The following PUDP variants were observed in gnomAD, a reference collection of about 807,000 sequenced individuals.
PUDP encodes the protein pseudouridine-5'-phosphatase.
PUDP carries 8 observed loss-of-function variants against 9.4 expected under a neutral mutation model. The ratio of observed to expected loss-of-function variants is 0.85; its 90% CI spans 0.50 to 1.53. PUDP has a LOEUF of 1.53. Among genes scored for constraint, PUDP ranks in the 40% most tolerant of loss-of-function variants. The pLI, the probability that PUDP is intolerant of heterozygous loss-of-function variation, is 0.00. For missense variants in PUDP, 188 were observed against 189.7 expected, an observed-to-expected ratio of 0.99 and a Z score of 0.05; for synonymous variants, 99 against 80.7, an observed-to-expected ratio of 1.23 and a Z score of -1.22.
intron 3 of PUDP, among the ~76,000 whole-genome samples, chrX:6,881,639 C>T (rs1602657708): frequency 8.9e-6 from 1 of 111,884 alleles, no homozygotes; most frequent in Admixed American, 9.6e-5. Flanking sequence ...TTTTTATTTT[C>T]AGCAGATTGC....
chrX:7,066,919 T>A (rs573424720), intron 3 of PUDP, among the ~76,000 whole-genome samples: 1 of 111,440 alleles, frequency 9.0e-6, no homozygotes, highest in African/African-American at 3.3e-5. Flanking sequence ...ACACACACAG[T>A]GCTGATTAAA....
At chrX:7,080,915 T>A (rs1444197561) in intron 2 of PUDP, among the ~76,000 whole-genome samples, 19 of 94,008 alleles carry the variant, frequency 2.0e-4, no homozygotes, top group Non-Finnish European at 2.1e-5. Flanking sequence ...CCAGACTCCA[T>A]CTCAAAAAAA....
At position 6,890,080 on chromosome X, in the gene PUDP, CAA is replaced by C. The variant is rs1927490072; in HGVS notation, c.*247+87051_*247+87052del. Reference sequence around the variant, plus strand: ...TAATCAGTGCTGGAAACCAGGAAGACAAGAGAAAATATGGCATGCATGTCAGA... The same window carrying C: ...TAATCAGTGCTGGAAACCAGGAAGACGAGAAAATATGGCATGCATGTCAGA... On this transcript the variant is annotated intron_variant and NMD_transcript_variant, in intron 3 of 3. Coordinates refer to the PUDP transcript ENST00000655425. Among the ~76,000 whole-genome samples the C allele has an allele frequency of 2.7e-5, 3 of 111,587 alleles. No homozygotes were observed. The Admixed American group carries it at 2.9e-4, about 11-fold the overall frequency.
intron 1 of PUDP, among the ~76,000 whole-genome samples, chrX:7,144,042 A>G (rs759411027): frequency 8.9e-6 from 1 of 112,294 alleles, no homozygotes; most frequent in East Asian, 2.8e-4. Flanking sequence ...TGATGGAAGG[A>G]GGGGAGATTG....
intron 3 of PUDP, among the ~76,000 whole-genome samples, chrX:7,069,259 G>A (rs1930658655): frequency 9.0e-6 from 1 of 111,389 alleles, no homozygotes; most frequent in Non-Finnish European, 1.9e-5. Flanking sequence ...TGCCCCCCGA[G>A]GCGAGGTGAG....
intron 3 of PUDP, among the ~76,000 whole-genome samples, chrX:6,808,903 G>A (rs1435505591): frequency 8.9e-6 from 1 of 112,222 alleles, no homozygotes; most frequent in Non-Finnish European, 1.9e-5. Flanking sequence ...GCCTTGCAGG[G>A]ATATACCTGG....
chrX:6,872,880 G>A (rs181407938), intron 3 of PUDP, among the ~76,000 whole-genome samples: 1 of 110,385 alleles, frequency 9.1e-6, no homozygotes, highest in Admixed American at 9.7e-5. Flanking sequence ...AAGATCTAGC[G>A]ATACGAGGTA....
At chrX:7,050,620 G>A in intron 3 of PUDP, 148 bp from the exon 4 acceptor site, 1 of 546,633 alleles carries the variant, frequency 1.8e-6, no homozygotes, top group Non-Finnish European at 2.9e-6. Flanking sequence ...AGATTGTGGT[G>A]AGGACAGCAT....
intron 3 of PUDP, among the ~76,000 whole-genome samples, chrX:6,832,987 T>TACACACACACACACACACACACAC (rs200319848): frequency 0.057 from 6,046 of 106,034 alleles, 207 homozygotes; most frequent in Middle Eastern, 0.081. Context: ...CTCTCTGACA[T>TACACACACACACACACACACACAC]ACACACACAC....
intron 3 of PUDP, among the ~76,000 whole-genome samples, chrX:6,755,886 A>T (rs1000538860): frequency 1.8e-4 from 20 of 111,260 alleles, no homozygotes; most frequent in African/African-American, 5.9e-4. Context: ...CAAAAAAAAA[A>T]ATAATGAGTT....
At chrX:6,858,161 G>A (rs1186717876) in intron 3 of PUDP, among the ~76,000 whole-genome samples, 1 of 110,800 alleles carries the variant, frequency 9.0e-6, no homozygotes, top group Non-Finnish European at 1.9e-5. Context: ...ACATGGATAA[G>A]AACTCTGGAC....
At chrX:7,069,805 C>T (rs113891060) in intron 3 of PUDP, among the ~76,000 whole-genome samples, 9 of 111,581 alleles carry the variant, frequency 8.1e-5, no homozygotes, top group African/African-American at 2.9e-4. Context: ...GCACCTGTCA[C>T]ACCTAGATGA....
In PUDP at chrX:6,714,714, TGATA is replaced by T. The variant is rs780996554; in HGVS notation, n.128+6699_128+6702del. Among the ~76,000 whole-genome samples, 9 of 111,359 alleles carry T rather than the reference TGATA, an allele frequency of 8.1e-5. No individual in the cohort carries two copies. The East Asian group carries it at 1.4e-3, about 17-fold the overall frequency. On this transcript the variant is annotated intron_variant and non_coding_transcript_variant, in intron 1 of 2. Coordinates refer to the PUDP transcript ENST00000438499. ...ATAAATGGAGATGATAGATGATTGA[TGATA>T]GATAGATAGATATAGGTAGAGATAT...
intron 1 of PUDP, among the ~76,000 whole-genome samples, chrX:7,135,188 G>A (rs28642751): frequency 0.012 from 1,381 of 111,790 alleles, 22 homozygotes; most frequent in African/African-American, 0.042. Context: ...GTAGGCAGAA[G>A]TCAGCTGAGA....
chrX:6,804,219 C>T (rs1342318672), intron 3 of PUDP, among the ~76,000 whole-genome samples: 1 of 111,096 alleles, frequency 9.0e-6, no homozygotes, highest in Admixed American at 9.6e-5. Flanking sequence ...ACTGAAAAAT[C>T]CTGGTCATCC....
rs145398123 is a variant in PUDP, at chrX:7,081,084, GC to G, written c.281-3636del. Among the ~76,000 whole-genome samples the G allele has an allele frequency of 6.6e-3, 734 of 111,888 alleles. 3 individuals carry two copies. The highest frequency in any genetic ancestry group is 0.011 in the Non-Finnish European group (561 of 53,171). ...AAAATGGAGCACACTTAAACACATGGCTCTGTAAAACACACTGTATAAAAAT... is the reference window on the plus strand; with the variant it reads ...AAAATGGAGCACACTTAAACACATGGTCTGTAAAACACACTGTATAAAAAT... On this transcript the variant is annotated intron_variant, in intron 2 of 3. Transcript: ENST00000381077.
chrX:7,006,699 A>G (rs1175151344), intron 1 of PUDP, among the ~76,000 whole-genome samples: 26 of 111,058 alleles, frequency 2.3e-4, no homozygotes, highest in Non-Finnish European at 1.5e-4. Context: ...CCAAAATTCA[A>G]TGTGAATTTC....
At chrX:6,910,727 T>C (rs1927836329) in intron 3 of PUDP, among the ~76,000 whole-genome samples, 2 of 112,232 alleles carry the variant, frequency 1.8e-5, no homozygotes, top group Admixed American at 9.4e-5. Context: ...TAACCAGGCG[T>C]TGCTTGGGGT....
intron 1 of PUDP, among the ~76,000 whole-genome samples, chrX:7,037,214 G>A (rs1407135386): frequency 9.0e-6 from 1 of 111,700 alleles, no homozygotes; most frequent in Non-Finnish European, 1.9e-5. Flanking sequence ...TTTCTCAGCT[G>A]GACTTGGCCT....
Sources: gnomAD v4.1 joint callset for allele counts (sites outside exome capture counted in the v4.1 genomes callset) on GRCh38, gnomAD v4.1.1 for gene constraint, MANE v1.5 for transcripts, NCBI Gene and HGNC (gene_info 2026-07-23, HGNC 2026-07-21) for gene names.